Variants in IWS1 observed in about 807,000 individuals in gnomAD.
IWS1 encodes the protein protein IWS1 homolog.
In IWS1, 27 loss-of-function variants were observed where a neutral mutation model predicts 86.7. That is an observed-to-expected ratio of 0.31 (90% CI 0.23 to 0.43). IWS1 has a LOEUF of 0.43. IWS1 is among the 20% of genes least tolerant of loss of function. IWS1 has a pLI of 1.00. For missense variants in IWS1, 827 were observed against 1,000.8 expected, an observed-to-expected ratio of 0.83 and a Z score of 2.34; for synonymous variants, 313 against 335.1, an observed-to-expected ratio of 0.93 and a Z score of 0.72.
chr2:127,493,387 A>T lies in IWS1; in HGVS notation c.1823T>A (p.Ile608Asn), dbSNP rs1321638443. The change falls in exon 9 of 14, where the codon ATT becomes AAT. Residue 608 changes from isoleucine to asparagine, a missense_variant. Coordinates refer to ENST00000295321, the MANE Select transcript of IWS1 (RefSeq NM_017969.3). ...GATGGCAGACATCACACCACTGTCA[A>T]TGAATGTTTCTTTAAGGTCCTGCCT... ...LKKQDLKETF[I>N]DSGVMSAIKE... is the part of the protein sequence containing the mutation. 1 of 1,610,780 alleles carries T rather than the reference A, an allele frequency of 6.2e-7. No homozygotes were observed. The highest frequency in any genetic ancestry group is 8.5e-7 in the Non-Finnish European group (1 of 1,178,966).
At chr2:127,484,052 C>G (rs1372822494) in intron 13 of IWS1, among the ~76,000 whole-genome samples, 1 of 152,118 alleles carries the variant, frequency 6.6e-6, no homozygotes, top group African/African-American at 2.4e-5. Flanking sequence ...ACCTGTAATC[C>G]CAGCACTTTG....
intron 13 of IWS1, chr2:127,482,671 T>C (rs1689694916): frequency 6.6e-6 from 1 of 152,280 alleles, no homozygotes; most frequent in South Asian, 2.1e-4. Flanking sequence ...TAAGCCCTGA[T>C]GGATCTGTCT....
chr2:127,495,826 C>T (rs561403290), intron 7 of IWS1, among the ~76,000 whole-genome samples, 172 bp downstream of exon 7: 4 of 152,182 alleles, frequency 2.6e-5, no homozygotes, highest in African/African-American at 9.6e-5. Context: ...TTTTTCTAAA[C>T]GTGTGACTAA....
At chr2:127,504,545 A>G in intron 3 of IWS1, 139 bp downstream of exon 3, 1 of 670,124 alleles carries the variant, frequency 1.5e-6, no homozygotes, top group South Asian at 2.0e-5. Context: ...AGGGGAAATG[A>G]GTGTCCTACT....
Position 127,486,535 on chromosome 2 carries a change from G to T in IWS1, c.2328+18C>A. On this transcript the variant is annotated intron_variant, in intron 13 of 13. Transcript: ENST00000295321. ...ATCTGCAGGTGAGATCCACCTTGCC[G>T]ATCCTCCGCTTGCTTACCCTGGATG... 1 of 1,561,256 alleles carries T rather than the reference G, an allele frequency of 6.4e-7. No individual in the cohort carries two copies. Among genetic ancestry groups the T allele is most frequent in the Non-Finnish European group, 8.8e-7 (1 of 1,132,076 alleles).
chr2:127,498,481 T>G (rs334147), intron 5 of IWS1, among the ~76,000 whole-genome samples: 29,684 of 152,168 alleles, frequency 0.2, 5,948 homozygotes, highest in African/African-American at 0.51. Flanking sequence ...TTACACAAAC[T>G]GAAGCATACT....
intron 4 of IWS1, 74 bp downstream of exon 4, chr2:127,503,313 T>A: frequency 1.9e-6 from 2 of 1,077,164 alleles, no homozygotes; most frequent in Non-Finnish European, 1.4e-6. Flanking sequence ...GCAGGACATA[T>A]TGTATTATAA....
intron 2 of IWS1, among the ~76,000 whole-genome samples, chr2:127,508,545 T>G (rs565381877): frequency 6.6e-6 from 1 of 152,220 alleles, no homozygotes; most frequent in Admixed American, 6.5e-5. Flanking sequence ...CATTTCTATG[T>G]GTGACTTGAT....
intron 8 of IWS1, 75 bp downstream of exon 8, chr2:127,494,797 A>AGAG (rs1690427476): frequency 1.3e-6 from 1 of 753,524 alleles, no homozygotes; most frequent in Non-Finnish European, 2.2e-6. Context: ...TAATATTCCT[A>AGAG]GAACACCAGT....
At chr2:127,488,244 T>G (rs1317174540) in intron 12 of IWS1, 1 of 152,354 alleles carries the variant, frequency 6.6e-6, no homozygotes, top group East Asian at 1.9e-4. Flanking sequence ...TTGAACAATC[T>G]TTTCTATGGA....
intron 2 of IWS1, among the ~76,000 whole-genome samples, chr2:127,509,447 G>A (rs546278096): frequency 1.5e-4 from 23 of 152,148 alleles, no homozygotes; most frequent in Middle Eastern, 3.4e-3. Context: ...AGTGGCTCAC[G>A]CCTGTAATCC....
At position 127,508,216 on chromosome 2, in the gene IWS1, T is replaced by G. The variant is rs535823496; in HGVS notation, c.151-2464A>C. Among the ~76,000 whole-genome samples the G allele has an allele frequency of 1.2e-3, 189 of 152,328 alleles. 2 individuals are homozygous for G. The highest frequency in any genetic ancestry group is 3.7e-3 in the African/African-American group (154 of 41,570). ...TCCAGGCGGAGTATGTCACAGGGCCTGACCTTAAGAGCTGCTGTCTGATGA... is the reference window on the plus strand; with the variant it reads ...TCCAGGCGGAGTATGTCACAGGGCCGGACCTTAAGAGCTGCTGTCTGATGA... On this transcript the variant is annotated intron_variant, in intron 2 of 13. Coordinates refer to ENST00000295321, the MANE Select transcript of IWS1 (RefSeq NM_017969.3).
intron 2 of IWS1, among the ~76,000 whole-genome samples, chr2:127,522,754 C>T (rs1231349668): frequency 2.0e-5 from 3 of 152,006 alleles, no homozygotes; most frequent in African/African-American, 7.3e-5. Context: ...AGACTTACGG[C>T]GAACTTATTG....
At chr2:127,509,561 A>G (rs142257369) in intron 2 of IWS1, among the ~76,000 whole-genome samples, 368 of 152,206 alleles carry the variant, frequency 2.4e-3, no homozygotes, top group African/African-American at 8.1e-3. Context: ...GCAAAAAATT[A>G]GCTGAGTGTG....
Position 127,526,488 on chromosome 2 carries a change from C to G in IWS1, c.-280G>C. 1 of 1,515,578 alleles carries G rather than the reference C, an allele frequency of 6.6e-7. No individual in the cohort carries two copies. The highest frequency in any genetic ancestry group is 1.2e-5 in the South Asian group (1 of 82,742). 93.9% of individuals were successfully genotyped at this position (1,515,578 alleles called of 1,614,324 possible). ...AGCACCGCTGGGGCCAAAATGGCGT[C>G]TGCCCACGACCCTCAAAGGAATGCA... On this transcript the variant is annotated 5_prime_UTR_variant, in exon 1 of 14. Coordinates refer to ENST00000295321, the MANE Select transcript of IWS1 (RefSeq NM_017969.3).
At chr2:127,483,301 T>C (rs1300504007) in intron 13 of IWS1, among the ~76,000 whole-genome samples, 1 of 151,912 alleles carries the variant, frequency 6.6e-6, no homozygotes, top group East Asian at 1.9e-4. Flanking sequence ...GAGTAAAAAA[T>C]CAGAAATCAT....
At chr2:127,510,935 T>C (rs1297372948) in intron 2 of IWS1, among the ~76,000 whole-genome samples, 1 of 152,204 alleles carries the variant, frequency 6.6e-6, no homozygotes, top group Non-Finnish European at 1.5e-5. Context: ...CAGATATTAA[T>C]TCAGTGTATC....
At chr2:127,496,996 G>A (rs1424201151) in intron 6 of IWS1, among the ~76,000 whole-genome samples, 2 of 152,190 alleles carry the variant, frequency 1.3e-5, no homozygotes, top group African/African-American at 2.4e-5. Flanking sequence ...AGGTGCGATA[G>A]GTTTTACCAT....
Position 127,489,776 on chromosome 2 carries a change from C to T in IWS1, c.2159+56G>A, listed in dbSNP as rs991159666. On this transcript the variant is annotated intron_variant, in intron 11 of 13. Transcript: ENST00000295321. This position sits in a 1 kb window ranked among gnomAD's most constrained non-coding sequence, Gnocchi z 4.8. The stretch of plus-strand genomic sequence containing the variant: ...GGCTTCCTAATGATCTTACTTAAAA[C>T]TGAGTTACTGCAACAATAACGTGTA... The T allele has an allele frequency of 4.1e-6, 4 of 967,392 alleles. No individual in the cohort carries two copies. The Admixed American group carries it at 7.0e-5, about 17-fold the overall frequency. The allele number at this position is 967,392 out of a possible 1,614,324, so 59.9% of individuals were successfully genotyped here.
Sources: allele counts gnomAD v4.1 joint callset (sites outside exome capture counted in the v4.1 genomes callset), GRCh38; gene constraint gnomAD v4.1.1; non-coding constraint Gnocchi (gnomAD v3.1); transcripts MANE v1.5; gene names NCBI Gene and HGNC (gene_info 2026-07-23, HGNC 2026-07-21).